Variants in IGDCC4 observed in about 807,000 individuals in gnomAD.
The protein encoded by IGDCC4 is immunoglobulin superfamily DCC subclass member 4.
IGDCC4 carries 72 observed loss-of-function variants against 116.6 expected under a neutral mutation model. The ratio of observed to expected loss-of-function variants is 0.62; its 90% CI spans 0.51 to 0.75. The LOEUF is 0.75. IGDCC4 is among the 30% of genes least tolerant of loss of function. The probability of loss-of-function intolerance (pLI) is 0.00; values close to 1 mark genes in which losing one functional copy is unlikely to be tolerated. For missense variants in IGDCC4, 1,501 were observed against 1,662.4 expected, an observed-to-expected ratio of 0.90 and a Z score of 1.69; for synonymous variants, 709 against 719.9, an observed-to-expected ratio of 0.98 and a Z score of 0.24.
intron 5 of IGDCC4, among the ~76,000 whole-genome samples, chr15:65,398,092 G>A (rs1218779955): frequency 1.3e-5 from 2 of 152,204 alleles, no homozygotes; most frequent in African/African-American, 2.4e-5. Context: ...ATTTCAGGGA[G>A]AAAACTGTAC....
chr15:65,394,250 A>T (rs575518357), intron 9 of IGDCC4, among the ~76,000 whole-genome samples, 161 bp downstream of exon 9: 2 of 151,452 alleles, frequency 1.3e-5, no homozygotes, highest in South Asian at 2.1e-4. Context: ...TTCCCTTTTC[A>T]TTCCTGCCCA....
intron 17 of IGDCC4, among the ~76,000 whole-genome samples, 176 bp from the exon 18 acceptor site, chr15:65,386,235 A>C (rs1470515533): frequency 6.6e-6 from 1 of 152,230 alleles, no homozygotes; most frequent in Non-Finnish European, 1.5e-5. Flanking sequence ...TGATGCTGTA[A>C]ACAGGGCTCT....
intron 1 of IGDCC4, among the ~76,000 whole-genome samples, chr15:65,414,188 C>A (rs977579365): frequency 6.6e-6 from 1 of 152,190 alleles, no homozygotes. Context: ...GTGATGGCTG[C>A]GTGAAATAAG....
chr15:65,392,484 A>T, intron 10 of IGDCC4, 114 bp from the exon 11 acceptor site: 1 of 773,314 alleles, frequency 1.3e-6, no homozygotes. Context: ...GGAAGATGGC[A>T]TTCAGTGAGA....
At position 65,384,144 on chromosome 15, in the gene IGDCC4, A is replaced by G; in HGVS notation, c.3618T>C (p.Ala1206=). The part of the protein sequence containing the change: ...RLTCLPEAAS[A]SCSYPDLQPG... The stretch of plus-strand genomic sequence containing the variant: ...GCTGGAGGTCCGGGTAGGAGCAGGA[A>G]GCACTGGCTGCCTCTGGCAAGCAGG... Residue 1206 remains alanine (A), a synonymous_variant, in exon 20 of 20, where the codon GCT becomes GCC. Coordinates refer to ENST00000352385, the MANE Select transcript of IGDCC4 (RefSeq NM_020962.3). This position sits in a 1 kb window ranked among gnomAD's most constrained non-coding sequence, Gnocchi z 4.9. 1 of 1,613,696 alleles carries G rather than the reference A, an allele frequency of 6.2e-7. No individual in the cohort carries two copies. The highest frequency in any genetic ancestry group is 1.1e-5 in the South Asian group (1 of 91,046).
chr15:65,395,722 T>C, intron 7 of IGDCC4, 28 bp downstream of exon 7: 1 of 1,423,712 alleles, frequency 7.0e-7, no homozygotes, highest in South Asian at 1.5e-5. Context: ...GGGCCTGCGC[T>C]GGTGCATCCC....
chr15:65,409,807 C>T (rs545304997), intron 3 of IGDCC4, among the ~76,000 whole-genome samples: 3 of 152,166 alleles, frequency 2.0e-5, no homozygotes, highest in Non-Finnish European at 4.4e-5. Context: ...CCAGCAGCCT[C>T]GGGGAGCCCT....
Position 65,393,486 on chromosome 15 carries a change from A to T in IGDCC4, c.1760T>A (p.Met587Lys). 2 of 1,611,002 alleles carry T rather than the reference A, an allele frequency of 1.2e-6. No homozygotes were observed. Among genetic ancestry groups the T allele is most frequent in the Non-Finnish European group, 1.7e-6 (2 of 1,178,210 alleles). The change falls in exon 10 of 20, where the codon ATG becomes AAG. Residue 587 changes from methionine to lysine, a missense_variant. By Grantham distance (95) the Met-to-Lys change is moderately conservative. Around this residue, in one of 3 missense-constraint regions of IGDCC4, gnomAD observed 898 missense variants for 978.9 expected, o/e 0.92. Coordinates refer to ENST00000352385, the MANE Select transcript of IGDCC4 (RefSeq NM_020962.3). This position sits in a 1 kb window ranked among gnomAD's most constrained non-coding sequence, Gnocchi z 4.6. ...TEVRGNETQLMLNSLQPNKVY... is the reference protein window; with the variant it reads ...TEVRGNETQLKLNSLQPNKVY... Reference sequence around the variant, plus strand: ...CTTGTTTGGCTGAAGCGAGTTCAGCATAAGCTGTGTCTCATTTCCTCGCAC... The same window carrying T: ...CTTGTTTGGCTGAAGCGAGTTCAGCTTAAGCTGTGTCTCATTTCCTCGCAC...
Position 65,384,499 on chromosome 15 carries a change from A to G in IGDCC4, c.3343-80T>C. The G allele has an allele frequency of 7.3e-7, 1 of 1,364,932 alleles. No homozygotes were observed. Among genetic ancestry groups the G allele is most frequent in the Non-Finnish European group, 9.8e-7 (1 of 1,023,708 alleles). 84.6% of individuals were successfully genotyped at this position (1,364,932 alleles called of 1,614,324 possible). A position where few individuals can be genotyped will look rare whatever the true frequency, so the allele number is the denominator to read the frequency against. On this transcript the variant is annotated intron_variant, in intron 19 of 19. Transcript: ENST00000352385. This position sits in a 1 kb window ranked among gnomAD's most constrained non-coding sequence, Gnocchi z 4.9. ...AGAATGACCAGCGTACGTGGGGCAGAAAGTCTGACCCTCCATCAGAGTAAG... is the reference window on the plus strand; with the variant it reads ...AGAATGACCAGCGTACGTGGGGCAGGAAGTCTGACCCTCCATCAGAGTAAG...
In IGDCC4 at chr15:65,395,133, G is replaced by T; in HGVS notation, c.1537C>A (p.Arg513Ser). 6.2e-7 allele frequency: 1 copy of T among 1,613,724 alleles called. No individual in the cohort carries two copies. The highest frequency in any genetic ancestry group is 8.5e-7 in the Non-Finnish European group (1 of 1,179,716). ...TGCACCAGTGCTGGGGTGGAGGTGC[G>T]GCTGGCTCCCAGCTGGGAGTAGGCC... ...VVAYSQLGAS[R>S]TSTPALVHTL... The change falls in exon 8 of 20, where the codon CGC (arginine) becomes AGC (serine). Residue 513 changes from arginine to serine, a missense_variant. Physicochemically the swap from Arg to Ser is moderately radical, Grantham distance 110. Transcript: ENST00000352385.
chr15:65,409,787 G>A (rs1045907561), intron 3 of IGDCC4, among the ~76,000 whole-genome samples: 3 of 152,226 alleles, frequency 2.0e-5, no homozygotes, highest in Non-Finnish European at 2.9e-5. Flanking sequence ...CCTGAAAAGA[G>A]AAAACCTTCC....
At chr15:65,420,035 C>G (rs1049118168) in intron 1 of IGDCC4, among the ~76,000 whole-genome samples, 1 of 149,452 alleles carries the variant, frequency 6.7e-6, no homozygotes. Flanking sequence ...CAACCTTCAC[C>G]TCCCAGGTTC....
At chr15:65,390,908 A>G (rs1023440508) in intron 12 of IGDCC4, among the ~76,000 whole-genome samples, 1 of 152,206 alleles carries the variant, frequency 6.6e-6, no homozygotes, top group African/African-American at 2.4e-5. Flanking sequence ...ACTCAGCGAA[A>G]TATTTGCTGA....
chr15:65,397,877 T>C (rs866405639), intron 5 of IGDCC4, among the ~76,000 whole-genome samples: 46 of 152,322 alleles, frequency 3.0e-4, no homozygotes, highest in Middle Eastern at 3.4e-3. Flanking sequence ...AGCAGATCAC[T>C]GCAGTGTTAA....
At position 65,388,904 on chromosome 15, in the gene IGDCC4, G is replaced by C. The variant is rs1388481275; in HGVS notation, c.2611C>G (p.Pro871Ala). The change falls in exon 15 of 20, where the codon CCC (proline) becomes GCC (alanine). Residue 871 changes from proline to alanine, a missense_variant. Transcript: ENST00000352385. ...PSTVRLHWCP[P>A]TEPNGEIVEY... ...ACGATCTCCCCGTTGGGCTCTGTGGGGGGGCACCAGTGCAGCCGAACCGTG... is the reference window on the plus strand; with the variant it reads ...ACGATCTCCCCGTTGGGCTCTGTGGCGGGGCACCAGTGCAGCCGAACCGTG... 1.9e-6 allele frequency: 3 copies of C among 1,613,864 alleles called. No homozygotes were observed. The highest frequency in any genetic ancestry group is 2.5e-6 in the Non-Finnish European group (3 of 1,179,982).
At chr15:65,400,971 C>T (rs1250287471) in intron 4 of IGDCC4, 25 bp from the exon 5 acceptor site, 1 of 1,613,666 alleles carries the variant, frequency 6.2e-7, no homozygotes, top group Non-Finnish European at 8.5e-7. Flanking sequence ...GACCAGCAGG[C>T]AGCCTTACCA....
At chr15:65,400,775 A>T in intron 5 of IGDCC4, 31 bp downstream of exon 5, 1 of 1,565,290 alleles carries the variant, frequency 6.4e-7, no homozygotes, top group East Asian at 2.3e-5. Context: ...CTCCCTTCCC[A>T]TGCCCTCCTT....
At chr15:65,385,501 T>C (rs1442917570) in intron 18 of IGDCC4, 5 of 529,418 alleles carry the variant, frequency 9.4e-6, no homozygotes, top group Non-Finnish European at 1.7e-5. Context: ...CCAAGCCGAC[T>C]GGCCTCTTCT....
intron 17 of IGDCC4, among the ~76,000 whole-genome samples, chr15:65,386,344 G>A (rs1315338567): frequency 1.3e-5 from 2 of 152,214 alleles, no homozygotes; most frequent in African/African-American, 4.8e-5. Flanking sequence ...TGTTGGCCTT[G>A]CTGAGGAGGG....
Sources: allele counts gnomAD v4.1 joint callset (sites outside exome capture counted in the v4.1 genomes callset), GRCh38; gene constraint gnomAD v4.1.1; regional missense constraint gnomAD v4.1.1; non-coding constraint Gnocchi (gnomAD v3.1); transcripts MANE v1.5; gene names NCBI Gene and HGNC (gene_info 2026-07-23, HGNC 2026-07-21).